SMIM40: variants seen among roughly 807,000 people sequenced by gnomAD.
SMIM40 encodes the protein small integral membrane protein 40.
In SMIM40 at chr6:33,328,337, C is replaced by A. The variant is rs115575025; in HGVS notation, c.*39+650G>T. 4.0e-5 allele frequency among the ~76,000 whole-genome samples: 6 copies of A among 150,770 alleles called. No individual in the cohort carries two copies. The South Asian group carries it at 6.3e-4, about 16-fold the overall frequency. ...GTAGCTGAGGCAGAGAATCAGGTGC[C>A]CACCAACTTTCCCGGCTAATTTTTG... On this transcript the variant is annotated intron_variant, in intron 1 of 2. Transcript: ENST00000494082.
At chr6:33,324,293 G>C (rs956730501) in intron 1 of SMIM40, among the ~76,000 whole-genome samples, 5 of 151,394 alleles carry the variant, frequency 3.3e-5, no homozygotes, top group African/African-American at 4.9e-5. Flanking sequence ...TTAATTTCAA[G>C]AACCTCAACT....
At position 33,329,043 on chromosome 6, in the gene SMIM40, C is replaced by T. The variant is rs1771390174; in HGVS notation, c.223G>A (p.Glu75Lys). Residue 75 changes from glutamate (E) to lysine (K), a missense_variant, in exon 1 of 3, where the codon GAG becomes AAG. Transcript: ENST00000494082. ...DWLLGTPQKE[E>K]ELEL is the part of the protein sequence containing the mutation. ...AAAGGTGGTCACAATTCCAGCTCCTCCTCCTTCTGAGGTGTCCCCAGGAGC... is the reference window on the plus strand; with the variant it reads ...AAAGGTGGTCACAATTCCAGCTCCTTCTCCTTCTGAGGTGTCCCCAGGAGC... The T allele has an allele frequency of 2.5e-6, 1 of 398,806 alleles. No individual in the cohort carries two copies. 24.7% of individuals were successfully genotyped at this position (398,806 alleles called of 1,614,324 possible). A position where few individuals can be genotyped will look rare whatever the true frequency, so the allele number is the denominator to read the frequency against.
At chr6:33,324,526 A>C (rs145056963) in intron 1 of SMIM40, among the ~76,000 whole-genome samples, 2 of 141,572 alleles carry the variant, frequency 1.4e-5, no homozygotes, top group African/African-American at 2.6e-5. Context: ...TCACCAAGGC[A>C]CCATGAATAC....
chr6:33,324,513 C>T lies in SMIM40; in HGVS notation c.*40-483G>A, dbSNP rs1053772364. 2.0e-3 allele frequency among the ~76,000 whole-genome samples: 263 copies of T among 132,556 alleles called. 2 individuals are homozygous for T. The highest frequency in any genetic ancestry group is 7.0e-3 in the African/African-American group (250 of 35,522). 87.0% of individuals were successfully genotyped at this position (132,556 alleles called of 152,430 possible). The stretch of plus-strand genomic sequence containing the variant: ...AAATAAAGGGAAATGTACCCTGTTT[C>T]TTTCACCAAGGCACCATGAATACCA... On this transcript the variant is annotated intron_variant, in intron 1 of 2. Coordinates refer to ENST00000494082, the MANE Select transcript of SMIM40 (RefSeq NM_001369203.1).
chr6:33,325,971 CAAGA>C (rs1771147760), intron 1 of SMIM40, among the ~76,000 whole-genome samples: 1 of 149,168 alleles, frequency 6.7e-6, no homozygotes, highest in Non-Finnish European at 1.5e-5. Context: ...CTTACAATCA[CAAGA>C]AAGATATTTT....
At chr6:33,326,769 A>G (rs1258854247) in intron 1 of SMIM40, among the ~76,000 whole-genome samples, 1 of 148,594 alleles carries the variant, frequency 6.7e-6, no homozygotes, top group Non-Finnish European at 1.5e-5. Flanking sequence ...AGTTGCAGTG[A>G]GCCAAGATCA....
intron 1 of SMIM40, 92 bp from the exon 2 acceptor site, chr6:33,324,122 A>G (rs1298630403): frequency 6.6e-6 from 1 of 152,212 alleles, no homozygotes; most frequent in African/African-American, 2.4e-5. Context: ...AACTAGGGTC[A>G]CAGAGCTTAT....
rs930898020 is a variant in SMIM40 at position 33,325,547 on chromosome 6, A to G, written c.*40-1517T>C. 1.4e-5 allele frequency among the ~76,000 whole-genome samples: 2 copies of G among 147,724 alleles called. 1 individual carries two copies. Among genetic ancestry groups the G allele is most frequent in the African/African-American group, 5.3e-5 (2 of 37,860 alleles). ...AATATTTCTTTTTAACAGTTATAAAAATGTTTACGATCGGCCAGGCACGGT... is the reference window on the plus strand; with the variant it reads ...AATATTTCTTTTTAACAGTTATAAAGATGTTTACGATCGGCCAGGCACGGT... On this transcript the variant is annotated intron_variant, in intron 1 of 2. Coordinates refer to ENST00000494082, the MANE Select transcript of SMIM40 (RefSeq NM_001369203.1).
At chr6:33,326,231 G>C (rs1237022766) in intron 1 of SMIM40, among the ~76,000 whole-genome samples, 1 of 146,742 alleles carries the variant, frequency 6.8e-6, no homozygotes, top group Non-Finnish European at 1.5e-5. Context: ...CACAATCTCT[G>C]CTTACTGCAA....
chr6:33,324,814 G>A (rs1323792496), intron 1 of SMIM40, among the ~76,000 whole-genome samples: 2 of 140,336 alleles, frequency 1.4e-5, no homozygotes, highest in Non-Finnish European at 3.0e-5. Context: ...GAATCCGGGA[G>A]GCGGAGGTTG....
At chr6:33,324,778 A>T (rs1247531040) in intron 1 of SMIM40, among the ~76,000 whole-genome samples, 1 of 142,870 alleles carries the variant, frequency 7.0e-6, no homozygotes, top group Non-Finnish European at 1.5e-5. Flanking sequence ...CCAGCTACTC[A>T]GGAGGCTGAG....
At chr6:33,327,353 C>T (rs1017657462) in intron 1 of SMIM40, among the ~76,000 whole-genome samples, 22 of 146,088 alleles carry the variant, frequency 1.5e-4, no homozygotes, top group African/African-American at 2.5e-4. Context: ...ACCCAGGAGG[C>T]GGAGATTTCA....
At chr6:33,327,618 G>A (rs551769011) in intron 1 of SMIM40, among the ~76,000 whole-genome samples, 51 of 151,866 alleles carry the variant, frequency 3.4e-4, no homozygotes, top group Non-Finnish European at 6.0e-4. Flanking sequence ...CCAGCACTTT[G>A]GGAGGCTGAG....
In SMIM40 at chr6:33,325,444, A is replaced by G. The variant is rs575725892; in HGVS notation, c.*40-1414T>C. ...GATGGATCTTGAGCTCCTTGCCTCA[A>G]GCAATCTTCCCACCTCAGCGTCTCA... On this transcript the variant is annotated intron_variant, in intron 1 of 2. Transcript: ENST00000494082. 3.7e-4 allele frequency among the ~76,000 whole-genome samples: 55 copies of G among 149,158 alleles called. 1 individual carries two copies. The South Asian group carries it at 8.1e-3, about 22-fold the overall frequency.
rs115163701 is a variant in SMIM40, at chr6:33,328,677, C to T, written c.*39+310G>A. Among the ~76,000 whole-genome samples, 879 of 151,784 alleles carry T rather than the reference C, an allele frequency of 5.8e-3. 4 individuals carry two copies. The highest frequency in any genetic ancestry group is 1.0e-2 in the Non-Finnish European group (678 of 67,906). On this transcript the variant is annotated intron_variant, in intron 1 of 2. Transcript: ENST00000494082. ...GCCAAGGCAGGCAGATACCTGAGGT[C>T]GGAGTTGGAGACCTGCCTGACTAAC...
rs781570958 is a variant in SMIM40, at chr6:33,325,857, TAA to T, written c.*40-1829_*40-1828del. 4.0e-4 allele frequency among the ~76,000 whole-genome samples: 51 copies of T among 127,704 alleles called. 3 individuals carry two copies. The highest frequency in any genetic ancestry group is 1.1e-3 in the African/African-American group (35 of 31,878). 83.8% of individuals were successfully genotyped at this position (127,704 alleles called of 152,430 possible). A position where few individuals can be genotyped will look rare whatever the true frequency, so the allele number is the denominator to read the frequency against. On this transcript the variant is annotated intron_variant, in intron 1 of 2. Coordinates refer to ENST00000494082, the MANE Select transcript of SMIM40 (RefSeq NM_001369203.1). Reference sequence around the variant, plus strand: ...TGGGCGACAGAGCGAGACTCCGTCTTAAAAAAAAAAAAAAAAGTGTACGATCA... The same window carrying T: ...TGGGCGACAGAGCGAGACTCCGTCTTAAAAAAAAAAAAAAGTGTACGATCA...
chr6:33,327,424 A>T (rs961220079), intron 1 of SMIM40, among the ~76,000 whole-genome samples: 1 of 149,794 alleles, frequency 6.7e-6, no homozygotes, highest in South Asian at 2.1e-4. Flanking sequence ...TCTGTCTCAA[A>T]AAATAAATAA....
At chr6:33,328,348 C>T (rs1206696568) in intron 1 of SMIM40, among the ~76,000 whole-genome samples, 2 of 150,888 alleles carry the variant, frequency 1.3e-5, no homozygotes, top group Non-Finnish European at 1.5e-5. Flanking sequence ...CACCAACTTT[C>T]CCGGCTAATT....
rs1449590343 is a variant in SMIM40, at chr6:33,325,927, T to G, written c.*40-1897A>C. On this transcript the variant is annotated intron_variant, in intron 1 of 2. Transcript: ENST00000494082. ...TCTGTTCTTATAATAATTGTAACAG[T>G]AACTCCTCCAGAATAATTTTTAACA... is the stretch of plus-strand genomic sequence containing the variant. Among the ~76,000 whole-genome samples, 2 of 149,196 alleles carry G rather than the reference T, an allele frequency of 1.3e-5. 1 individual carries two copies. The highest frequency in any genetic ancestry group is 5.2e-5 in the African/African-American group (2 of 38,782).
Sources: allele counts gnomAD v4.1 joint callset (sites outside exome capture counted in the v4.1 genomes callset), GRCh38; gene constraint gnomAD v4.1.1; transcripts MANE v1.5; gene names NCBI Gene and HGNC (gene_info 2026-07-23, HGNC 2026-07-21).